DNAJC8: variants seen among roughly 807,000 people sequenced by gnomAD.
DNAJC8 encodes the protein DnaJ heat shock protein family (Hsp40) member C8.
Under a neutral mutation model 43.2 loss-of-function variants are expected in DNAJC8, and 24 were observed. The ratio of observed to expected loss-of-function variants is 0.56; its 90% CI spans 0.40 to 0.78. The LOEUF is 0.78. DNAJC8 is among the 30% of genes least tolerant of loss of function. DNAJC8 has a pLI of 0.00. For missense variants in DNAJC8, 207 were observed against 299.4 expected (o/e 0.69, Z 2.28); for synonymous variants, 83 against 98.0 (o/e 0.85, Z 0.90).
Position 28,200,538 on chromosome 1 carries a change from G to A in DNAJC8, c.*710C>T, listed in dbSNP as rs753103833. 13 of 456,360 alleles carry A rather than the reference G, an allele frequency of 2.8e-5. No homozygotes were observed. Among genetic ancestry groups the A allele is most frequent in the Non-Finnish European group, 4.4e-6 (1 of 226,818 alleles). 28.3% of individuals were successfully genotyped at this position (456,360 alleles called of 1,614,324 possible). ...AAGGGACCCACAAGGGAGAGTACAA[G>A]GAAAAGTACATCAATGGCTTGGGTA... On this transcript the variant is annotated 3_prime_UTR_variant, in exon 9 of 9. Transcript: ENST00000263697.
chr1:28,212,168 AATATATATATATATATAT>A (rs201782610), intron 3 of DNAJC8, among the ~76,000 whole-genome samples: 456 of 31,026 alleles, frequency 0.015, 29 homozygotes, highest in East Asian at 0.08. Context: ...TAAATAAATA[AATATATATATATATATAT>A]ATATATATAT....
chr1:28,201,107 T>A lies in DNAJC8; in HGVS notation c.*141A>T. 2 of 1,210,836 alleles carry A rather than the reference T, an allele frequency of 1.7e-6. No homozygotes were observed. Among genetic ancestry groups the A allele is most frequent in the Non-Finnish European group, 1.2e-6 (1 of 865,116 alleles). 75.0% of individuals were successfully genotyped at this position (1,210,836 alleles called of 1,614,324 possible). A position where few individuals can be genotyped will look rare whatever the true frequency, so the allele number is the denominator to read the frequency against. On this transcript the variant is annotated 3_prime_UTR_variant, in exon 9 of 9. Transcript: ENST00000263697. The stretch of plus-strand genomic sequence containing the variant: ...TGTACAAAAGAATTACTCTGATCGA[T>A]ATTAAATCGTATTGAAAACAAAATG...
chr1:28,215,696 C>T (rs1016274240), intron 2 of DNAJC8, among the ~76,000 whole-genome samples: 3 of 151,892 alleles, frequency 2.0e-5, no homozygotes, highest in Non-Finnish European at 2.9e-5. Context: ...TGCCACCACA[C>T]CTGGCTAATT....
chr1:28,202,262 A>C (rs1336420750), intron 8 of DNAJC8, among the ~76,000 whole-genome samples: 1 of 152,122 alleles, frequency 6.6e-6, no homozygotes, highest in East Asian at 1.9e-4. Flanking sequence ...GACGTTTAAC[A>C]TGGTTTTTTT....
chr1:28,203,820 T>C lies in DNAJC8; in HGVS notation c.566A>G (p.Lys189Arg). ...TTCAATCTCTTCTTCCCTTTGTCGT[T>C]TCCTAGGAGGAAAACCAGATCATAG... is the stretch of plus-strand genomic sequence containing the variant. ...EREAKEMHER[K>R]RQREEEIEAQ... Residue 189 changes from lysine (K) to arginine (R), a missense_variant and splice_region_variant, in exon 8 of 9, where the codon AAA becomes AGA. By Grantham distance (26) the Lys-to-Arg change is conservative. Transcript: ENST00000263697. 6.2e-7 allele frequency: 1 copy of C among 1,614,142 alleles called. No individual in the cohort carries two copies. The highest frequency in any genetic ancestry group is 8.5e-7 in the Non-Finnish European group (1 of 1,180,006).
chr1:28,210,538 C>T, intron 4 of DNAJC8, 33 bp downstream of exon 4: 1 of 1,586,318 alleles, frequency 6.3e-7, no homozygotes, highest in South Asian at 1.1e-5. Flanking sequence ...CATTCACAAT[C>T]TAATACTCAG....
chr1:28,200,538 G>C lies in DNAJC8; in HGVS notation c.*710C>G, dbSNP rs753103833. ...AAGGGACCCACAAGGGAGAGTACAA[G>C]GAAAAGTACATCAATGGCTTGGGTA... On this transcript the variant is annotated 3_prime_UTR_variant, in exon 9 of 9. Coordinates refer to ENST00000263697, the MANE Select transcript of DNAJC8 (RefSeq NM_014280.3). The C allele has an allele frequency of 1.3e-5, 6 of 456,360 alleles. No individual in the cohort carries two copies. The highest frequency in any genetic ancestry group is 4.0e-5 in the African/African-American group (2 of 50,062). The allele number at this position is 456,360 out of a possible 1,614,324, so 28.3% of individuals were successfully genotyped here.
Position 28,209,961 on chromosome 1 carries a change from T to C in DNAJC8, c.399+11A>G, listed in dbSNP as rs910038640. ...ACTTCCTGTAAACACAGCAGCACTA[T>C]AAATACTTACAGTGTGTTCCACGTA... On this transcript the variant is annotated intron_variant, in intron 5 of 8. Transcript: ENST00000263697. 1.2e-6 allele frequency: 2 copies of C among 1,612,038 alleles called. No homozygotes were observed. Among genetic ancestry groups the C allele is most frequent in the Non-Finnish European group, 1.7e-6 (2 of 1,179,008 alleles).
At chr1:28,231,892 C>A (rs922434152) in intron 1 of DNAJC8, among the ~76,000 whole-genome samples, 1 of 151,466 alleles carries the variant, frequency 6.6e-6, no homozygotes, top group Non-Finnish European at 1.5e-5. Context: ...CTCAGCCTCC[C>A]GAGTGGCTGG....
Position 28,228,989 on chromosome 1 carries a change from G to T in DNAJC8, c.113C>A (p.Thr38Asn). Residue 38 changes from threonine (T) to asparagine (N), a missense_variant, in exon 2 of 9, where the codon ACT becomes AAT. Around this residue, in one of 2 missense-constraint regions of DNAJC8, gnomAD observed 159 missense variants for 267.5 expected, o/e 0.59. Coordinates refer to ENST00000263697, the MANE Select transcript of DNAJC8 (RefSeq NM_014280.3). ...CAGTCTTTCAATCTGATTTTTCGAA[G>T]TTAGAACCGAGTCTCTCTTCTCTAT... Reference protein sequence around the residue: ...KQIEKRDSVLTSKNQIERLTR... With the variant: ...KQIEKRDSVLNSKNQIERLTR... 6.2e-7 allele frequency: 1 copy of T among 1,613,976 alleles called. No homozygotes were observed. Among genetic ancestry groups the T allele is most frequent in the East Asian group, 2.2e-5 (1 of 44,864 alleles).
At chr1:28,217,098 G>A (rs1300225080) in intron 2 of DNAJC8, among the ~76,000 whole-genome samples, 2 of 151,222 alleles carry the variant, frequency 1.3e-5, no homozygotes, top group Non-Finnish European at 2.9e-5. Flanking sequence ...GTGAGCCACC[G>A]CGCCTGGCCT....
chr1:28,228,785 A>G (rs574166447), intron 2 of DNAJC8, 137 bp downstream of exon 2: 2 of 726,948 alleles, frequency 2.8e-6, no homozygotes, highest in East Asian at 5.1e-5. Context: ...TGTACTATAC[A>G]GATTCCATCA....
At chr1:28,218,502 G>A (rs61787033) in intron 2 of DNAJC8, among the ~76,000 whole-genome samples, 62,208 of 151,198 alleles carry the variant, frequency 0.41, 14,297 homozygotes, top group African/African-American at 0.61. Flanking sequence ...CTGCAGCCTC[G>A]AGCTCTGGGG....
intron 3 of DNAJC8, among the ~76,000 whole-genome samples, chr1:28,210,890 C>A (rs1436879939): frequency 6.6e-6 from 1 of 152,180 alleles, no homozygotes; most frequent in Non-Finnish European, 1.5e-5. Flanking sequence ...ACCAAACATG[C>A]CAGGCACAGA....
rs1432718163 is a variant in DNAJC8, at chr1:28,228,784, C to T, written c.180+138G>A. On this transcript the variant is annotated intron_variant, in intron 2 of 8. Coordinates refer to ENST00000263697, the MANE Select transcript of DNAJC8 (RefSeq NM_014280.3). ...AAGGAATACTCAATTTTGTACTATA[C>T]AGATTCCATCACTTTACTCCACCAT... 22 of 720,844 alleles carry T rather than the reference C, an allele frequency of 3.1e-5. No homozygotes were observed. The Middle Eastern group carries it at 2.1e-3, about 69-fold the overall frequency. 44.7% of individuals were successfully genotyped at this position (720,844 alleles called of 1,614,324 possible).
intron 6 of DNAJC8, 80 bp downstream of exon 6, chr1:28,208,262 T>C: frequency 1.0e-6 from 1 of 995,356 alleles, no homozygotes; most frequent in Non-Finnish European, 1.5e-6. Context: ...TCATCATTCT[T>C]TTGGCTTCTG....
chr1:28,202,249 C>A (rs1646739343), intron 8 of DNAJC8, among the ~76,000 whole-genome samples: 1 of 152,156 alleles, frequency 6.6e-6, no homozygotes, highest in African/African-American at 2.4e-5. Flanking sequence ...GACCTCGAGG[C>A]TAGACGTTTA....
intron 2 of DNAJC8, among the ~76,000 whole-genome samples, chr1:28,219,053 A>G (rs984029465): frequency 7.2e-5 from 11 of 152,214 alleles, no homozygotes; most frequent in Non-Finnish European, 1.3e-4. Flanking sequence ...CTCTGATAAG[A>G]TTATAGCTTA....
At chr1:28,231,086 T>C (rs1244307866) in intron 1 of DNAJC8, among the ~76,000 whole-genome samples, 1 of 152,192 alleles carries the variant, frequency 6.6e-6, no homozygotes, top group East Asian at 1.9e-4. Context: ...AAATTAACTC[T>C]CTTGCCAAGC....
Sources: allele counts gnomAD v4.1 joint callset (sites outside exome capture counted in the v4.1 genomes callset), GRCh38; gene constraint gnomAD v4.1.1; regional missense constraint gnomAD v4.1.1; transcripts MANE v1.5; gene names NCBI Gene and HGNC (gene_info 2026-07-23, HGNC 2026-07-21).